The following NTRK3 variants were observed in gnomAD, a reference collection of about 807,000 sequenced individuals.
NTRK3 encodes neurotrophic receptor tyrosine kinase 3.
A neutral mutation model predicts 91.7 loss-of-function variants in NTRK3; 24 were observed. The observed-to-expected ratio is 0.26, with a 90% CI of 0.19 to 0.37. NTRK3 has a LOEUF of 0.37. Ranked by LOEUF, NTRK3 falls within the 10% of genes least tolerant of loss-of-function variation. NTRK3 has a pLI of 1.00. For missense variants in NTRK3, 880 were observed against 1,068.9 expected, an observed-to-expected ratio of 0.82 and a Z score of 2.46; for synonymous variants, 483 against 404.0, an observed-to-expected ratio of 1.20 and a Z score of -2.34.
chr15:88,073,823 T>C (rs945260014), intron 13 of NTRK3, among the ~76,000 whole-genome samples: 2 of 130,524 alleles, frequency 1.5e-5, no homozygotes, highest in Non-Finnish European at 3.2e-5. Context: ...AGAGGCTTGG[T>C]AGGATGGCAA....
chr15:87,886,476 TTAAG>T (rs1448251019), intron 17 of NTRK3, among the ~76,000 whole-genome samples: 1 of 150,748 alleles, frequency 6.6e-6, no homozygotes, highest in African/African-American at 2.5e-5. Context: ...CTAAGATATA[TTAAG>T]TGACAACACA....
At chr15:87,937,941 C>T (rs1290811526) in intron 15 of NTRK3, among the ~76,000 whole-genome samples, 1 of 151,146 alleles carries the variant, frequency 6.6e-6, no homozygotes, top group Non-Finnish European at 1.5e-5. Flanking sequence ...GAGGTTCACC[C>T]GGGACAGAGT....
exon 19 of NTRK3, chr15:87,871,170 G>A (rs2064819519): frequency 4.3e-6 from 1 of 231,176 alleles, no homozygotes; most frequent in African/African-American, 2.2e-5. Context: ...AGGTCTCACA[G>A]AAAAGCATCT....
rs190499651 is a variant in NTRK3, at chr15:88,229,576, G to T, written c.248+26330C>A. ...AACTAACACAGTCTGTCACCAGAAGGGATCCTGAGAAGAGCCTGCCAGTTA... is the reference window on the plus strand; with the variant it reads ...AACTAACACAGTCTGTCACCAGAAGTGATCCTGAGAAGAGCCTGCCAGTTA... On this transcript the variant is annotated intron_variant, in intron 3 of 18. Coordinates refer to ENST00000394480, the Ensembl canonical transcript of NTRK3. Among the ~76,000 whole-genome samples, 344 of 152,256 alleles carry T rather than the reference G, an allele frequency of 2.3e-3. 6 individuals are homozygous for T. Among genetic ancestry groups the T allele is most frequent in the East Asian group, 0.02 (106 of 5,186 alleles).
chr15:88,022,552 T>G (rs2077678672), intron 14 of NTRK3, among the ~76,000 whole-genome samples: 1 of 152,126 alleles, frequency 6.6e-6, no homozygotes, highest in African/African-American at 2.4e-5. Flanking sequence ...TCTTACTCCT[T>G]GAAGACAAGA....
intron 3 of NTRK3, among the ~76,000 whole-genome samples, chr15:88,202,986 C>T (rs545770682): frequency 9.2e-5 from 14 of 152,300 alleles, no homozygotes; most frequent in African/African-American, 3.1e-4. Context: ...CTCAGACCTT[C>T]CCACTTTTTG....
rs2049585139 is a variant in NTRK3, at chr15:88,214,690, G to T, written c.249-30391C>A. ...AAAAAAAAAAAACAGAGAGAATAAG[G>T]ACAAAAAAAATGTGCCCCCAAATGA... On this transcript the variant is annotated intron_variant, in intron 3 of 18. Transcript: ENST00000394480. Among the ~76,000 whole-genome samples, 3 of 38,874 alleles carry T rather than the reference G, an allele frequency of 7.7e-5. No individual in the cohort carries two copies. In the South Asian group the frequency reaches 2.4e-3, roughly 30 times the overall value. The allele number at this position is 38,874 out of a possible 152,430, so 25.5% of individuals were successfully genotyped here. A position where few individuals can be genotyped will look rare whatever the true frequency, so the allele number is the denominator to read the frequency against.
chr15:88,083,848 C>G (rs1197362016), intron 13 of NTRK3, among the ~76,000 whole-genome samples: 1 of 152,088 alleles, frequency 6.6e-6, no homozygotes, highest in Non-Finnish European at 1.5e-5. Context: ...GGCTCCAAGC[C>G]CTATTATCAC....
At chr15:88,141,277 TAGG>T (rs1441966304) in intron 6 of NTRK3, among the ~76,000 whole-genome samples, 3 of 152,270 alleles carry the variant, frequency 2.0e-5, no homozygotes, top group Non-Finnish European at 4.4e-5. Context: ...ATAGACATTA[TAGG>T]ATCATAATAT....
At chr15:88,141,546 C>T (rs948573301) in intron 6 of NTRK3, among the ~76,000 whole-genome samples, 2 of 152,208 alleles carry the variant, frequency 1.3e-5, no homozygotes, top group Non-Finnish European at 2.9e-5. Flanking sequence ...GCCTGGTTTT[C>T]CCAGCTGCTC....
At chr15:88,126,222 A>G (rs1567470337) in intron 13 of NTRK3, 49 bp downstream of exon 13, 1 of 1,307,130 alleles carries the variant, frequency 7.7e-7, no homozygotes, top group East Asian at 2.3e-5. Context: ...GATCAAAAGC[A>G]GTAATGTTTC....
At chr15:87,994,936 G>T (rs976666103) in intron 14 of NTRK3, among the ~76,000 whole-genome samples, 1 of 152,190 alleles carries the variant, frequency 6.6e-6, no homozygotes, top group African/African-American at 2.4e-5. Context: ...GATAAATGAA[G>T]ATGACAGATG....
intron 15 of NTRK3, among the ~76,000 whole-genome samples, chr15:87,934,708 T>A (rs891737707): frequency 6.6e-6 from 1 of 152,088 alleles, no homozygotes; most frequent in Non-Finnish European, 1.5e-5. Context: ...TTGGAGAAAC[T>A]GAGGCTGAGC....
At chr15:88,163,031 C>A (rs907973533) in intron 5 of NTRK3, among the ~76,000 whole-genome samples, 1 of 152,142 alleles carries the variant, frequency 6.6e-6, no homozygotes, top group South Asian at 2.1e-4. Context: ...CTTCCCAGTC[C>A]ACCTGAGTAT....
intron 11 of NTRK3, among the ~76,000 whole-genome samples, chr15:88,128,065 C>T (rs543147832): frequency 3.3e-5 from 5 of 152,176 alleles, no homozygotes; most frequent in East Asian, 3.9e-4. Context: ...AAGCCAGACA[C>T]GAGGCAAAAA....
At chr15:88,061,923 A>G (rs1190915893) in intron 13 of NTRK3, among the ~76,000 whole-genome samples, 3 of 152,208 alleles carry the variant, frequency 2.0e-5, no homozygotes, top group African/African-American at 4.8e-5. Context: ...TAATAGGACA[A>G]TCGACCTTCG....
At chr15:88,249,930 G>C (rs1168457256) in intron 3 of NTRK3, among the ~76,000 whole-genome samples, 1 of 152,174 alleles carries the variant, frequency 6.6e-6, no homozygotes, top group Non-Finnish European at 1.5e-5. Context: ...CCCTTTGCAA[G>C]TCCCTCAAAG....
intron 13 of NTRK3, among the ~76,000 whole-genome samples, chr15:88,077,803 G>A (rs971703777): frequency 2.0e-5 from 3 of 152,158 alleles, no homozygotes; most frequent in African/African-American, 7.2e-5. Flanking sequence ...TCTAGGCAAG[G>A]AACTTTACCC....
At chr15:87,881,017 T>C (rs2065213833) in intron 17 of NTRK3, among the ~76,000 whole-genome samples, 1 of 152,192 alleles carries the variant, frequency 6.6e-6, no homozygotes, top group Admixed American at 6.5e-5. Context: ...TTCACCACAG[T>C]TCTTAGTAAG....
Sources: gnomAD v4.1 joint callset for allele counts (sites outside exome capture counted in the v4.1 genomes callset) on GRCh38, gnomAD v4.1.1 for gene constraint, MANE v1.5 for transcripts, NCBI Gene and HGNC (gene_info 2026-07-23, HGNC 2026-07-21) for gene names.